Variants in ALK observed in about 807,000 individuals in gnomAD.
The protein encoded by ALK is ALK tyrosine kinase receptor.
Under a neutral mutation model 163.1 loss-of-function variants are expected in ALK, and 74 were observed. The ratio of observed to expected loss-of-function variants is 0.45; its 90% CI spans 0.38 to 0.55. The LOEUF (loss-of-function observed/expected upper bound fraction) is 0.55, where lower values mean the gene tolerates loss of function less well. Ranked by LOEUF, ALK falls within the 20% of genes least tolerant of loss-of-function variation. ALK has a pLI of 0.00. For synonymous variants in ALK, 960 were observed against 843.2 expected (o/e 1.14, Z -2.40); for missense variants, 2,063 against 2,105.3 (o/e 0.98, Z 0.39).
intron 3 of ALK, among the ~76,000 whole-genome samples, chr2:29,585,819 A>T (rs1036813136): frequency 5.3e-5 from 8 of 151,968 alleles, no homozygotes; most frequent in African/African-American, 1.9e-4. Context: ...ATAATGTTGT[A>T]TTAAAAAATC....
chr2:29,468,692 T>A (rs770859098), intron 4 of ALK, among the ~76,000 whole-genome samples: 2 of 148,654 alleles, frequency 1.3e-5, no homozygotes, highest in African/African-American at 2.5e-5. Flanking sequence ...CTACAAAAAA[T>A]TTGAAAAAAA....
intron 5 of ALK, among the ~76,000 whole-genome samples, chr2:29,366,484 G>A (rs13429710): frequency 2.0e-4 from 31 of 152,096 alleles, no homozygotes; most frequent in African/African-American, 4.6e-4. Flanking sequence ...TCTCAGTGTC[G>A]CCCTGAGAGG....
At position 29,693,612 on chromosome 2, in the gene ALK, A is replaced by G. The variant is rs367807598; in HGVS notation, c.952+1238T>C. On this transcript the variant is annotated intron_variant, in intron 3 of 28. Coordinates refer to ENST00000389048, the MANE Select transcript of ALK (RefSeq NM_004304.5). The stretch of plus-strand genomic sequence containing the variant: ...TTGATGACAAGGTAGAGGCTGAGGT[A>G]TAAGCCTGAGAGCATTAATTGTTTT... Among the ~76,000 whole-genome samples the G allele has an allele frequency of 3.9e-5, 6 of 152,362 alleles. 1 individual carries two copies. The East Asian group carries it at 1.2e-3, about 29-fold the overall frequency.
chr2:29,869,161 C>A (rs980052527), intron 1 of ALK, among the ~76,000 whole-genome samples: 32 of 152,278 alleles, frequency 2.1e-4, no homozygotes, highest in African/African-American at 7.7e-4. Context: ...CCCATATAAT[C>A]CATGGGCATA....
intron 8 of ALK, among the ~76,000 whole-genome samples, chr2:29,307,240 T>C (rs980218880): frequency 1.3e-5 from 2 of 152,240 alleles, no homozygotes; most frequent in African/African-American, 4.8e-5. Context: ...TGACATCAAA[T>C]AATATCTATT....
At chr2:29,282,930 G>A (rs1260318469) in intron 9 of ALK, among the ~76,000 whole-genome samples, 1 of 152,232 alleles carries the variant, frequency 6.6e-6, no homozygotes, top group Non-Finnish European at 1.5e-5. Flanking sequence ...CACCACAGCA[G>A]ATGGAGACCC....
intron 2 of ALK, among the ~76,000 whole-genome samples, chr2:29,709,587 C>G (rs1679013292): frequency 6.6e-6 from 1 of 152,076 alleles, no homozygotes; most frequent in African/African-American, 2.4e-5. Flanking sequence ...ATAACTAAGA[C>G]ACAAGGAAAA....
chr2:29,910,485 C>A (rs935567866), intron 1 of ALK, among the ~76,000 whole-genome samples: 63 of 151,880 alleles, frequency 4.1e-4, no homozygotes, highest in Admixed American at 2.6e-4. Flanking sequence ...TAAAGAGAAC[C>A]AAGAGTCTAT....
intron 18 of ALK, among the ~76,000 whole-genome samples, 176 bp downstream of exon 18, chr2:29,226,746 A>G (rs1664007568): frequency 6.6e-6 from 1 of 152,116 alleles, no homozygotes; most frequent in South Asian, 2.1e-4. Context: ...CTCCTTCAGG[A>G]GCCATGACCC....
chr2:29,887,991 G>A (rs1164787061), intron 1 of ALK, among the ~76,000 whole-genome samples: 1 of 152,174 alleles, frequency 6.6e-6, no homozygotes, highest in Non-Finnish European at 1.5e-5. Context: ...TAATCATAAA[G>A]CCCTCTGGGT....
At chr2:29,285,078 C>A (rs911561121) in intron 9 of ALK, among the ~76,000 whole-genome samples, 1 of 152,168 alleles carries the variant, frequency 6.6e-6, no homozygotes, top group African/African-American at 2.4e-5. Flanking sequence ...GCCAGTGGTG[C>A]CATTTGGAAG....
At chr2:29,853,777 C>T (rs1156698993) in intron 1 of ALK, among the ~76,000 whole-genome samples, 1 of 151,296 alleles carries the variant, frequency 6.6e-6, no homozygotes, top group Non-Finnish European at 1.5e-5. Flanking sequence ...ACCTCTCCCT[C>T]CTCTCCTCTC....
chr2:29,347,332 C>T (rs769405350), intron 5 of ALK, among the ~76,000 whole-genome samples: 4 of 152,182 alleles, frequency 2.6e-5, no homozygotes, highest in Non-Finnish European at 4.4e-5. Context: ...ATCTGGTTTT[C>T]CAGGTGGGCT....
intron 2 of ALK, among the ~76,000 whole-genome samples, chr2:29,701,481 A>C (rs1437992525): frequency 1.3e-5 from 2 of 152,174 alleles, no homozygotes; most frequent in Non-Finnish European, 2.9e-5. Flanking sequence ...TTGGAAGCAA[A>C]TACTGCAGAA....
intron 3 of ALK, among the ~76,000 whole-genome samples, chr2:29,647,117 G>A (rs531710254): frequency 1.3e-5 from 2 of 152,216 alleles, no homozygotes; most frequent in South Asian, 2.1e-4. Context: ...CATTCTTCTG[G>A]GCTTGGCAAA....
At chr2:29,328,562 G>T in intron 5 of ALK, 81 bp from the exon 6 acceptor site, 2 of 1,569,374 alleles carry the variant, frequency 1.3e-6, no homozygotes, top group Non-Finnish European at 1.8e-6. Flanking sequence ...GGTCCCATGG[G>T]CAGGCTGCAG....
intron 3 of ALK, among the ~76,000 whole-genome samples, chr2:29,535,698 C>T (rs1187095035): frequency 2.0e-5 from 3 of 152,166 alleles, no homozygotes; most frequent in Admixed American, 6.5e-5. Context: ...TGGAGTAGCT[C>T]TGCTACTACC....
intron 4 of ALK, among the ~76,000 whole-genome samples, chr2:29,407,820 T>G (rs1333312297): frequency 6.6e-6 from 1 of 152,230 alleles, no homozygotes; most frequent in East Asian, 1.9e-4. Flanking sequence ...CATGTCATGA[T>G]GGCCTAGCTG....
intron 4 of ALK, among the ~76,000 whole-genome samples, chr2:29,437,610 C>T (rs747464339): frequency 6.6e-6 from 1 of 152,198 alleles, no homozygotes; most frequent in Non-Finnish European, 1.5e-5. Context: ...TCTTTCTTCT[C>T]AATGGAGGTT....
Sources: allele counts gnomAD v4.1 joint callset (sites outside exome capture counted in the v4.1 genomes callset), GRCh38; gene constraint gnomAD v4.1.1; transcripts MANE v1.5; gene names NCBI Gene and HGNC (gene_info 2026-07-23, HGNC 2026-07-21).